CELSR1: variants seen among roughly 807,000 people sequenced by gnomAD.
CELSR1 encodes the protein adhesion G protein-coupled receptor C1.
Under a neutral mutation model 249.1 loss-of-function variants are expected in CELSR1, and 110 were observed. The observed-to-expected ratio is 0.44, with a 90% CI of 0.38 to 0.52. CELSR1 has a LOEUF of 0.52. Among genes scored for constraint, CELSR1 ranks in the 20% least tolerant of loss-of-function variants. The pLI, the probability that CELSR1 is intolerant of heterozygous loss-of-function variation, is 0.00. For missense variants in CELSR1, 4,109 were observed against 4,296.4 expected (o/e 0.96, Z 1.22); for synonymous variants, 2,113 against 1,900.0 (o/e 1.11, Z -2.92).
At position 46,533,667 on chromosome 22, in the gene CELSR1, G is replaced by C; in HGVS notation, c.3504C>G (p.Asn1168Lys). Residue 1168 changes from asparagine to lysine, a missense_variant, in exon 1 of 35, where the codon AAC (asparagine) becomes AAG (lysine). Physicochemically the swap from Asn to Lys is moderately conservative, Grantham distance 94. Around this residue, in one of 7 missense-constraint regions of CELSR1, gnomAD observed 886 missense variants for 896.5 expected, o/e 0.99. Coordinates refer to ENST00000674500, the MANE Select transcript of CELSR1 (RefSeq NM_001378328.1). ...CCATGAGCGCCTCCAGCGGCCGGTTGTTGTCCAGGTCGCGGCTGAGCTGCA... is the reference window on the plus strand; with the variant it reads ...CCATGAGCGCCTCCAGCGGCCGGTTCTTGTCCAGGTCGCGGCTGAGCTGCA... ...GELQLSRDLDNNRPLEALMEV... is the reference protein window; with the variant it reads ...GELQLSRDLDKNRPLEALMEV... 1 of 1,603,446 alleles carries C rather than the reference G, an allele frequency of 6.2e-7. No individual in the cohort carries two copies. The highest frequency in any genetic ancestry group is 2.2e-5 in the East Asian group (1 of 44,786).
intron 1 of CELSR1, among the ~76,000 whole-genome samples, chr22:46,469,982 G>T (rs181594300): frequency 1.0e-3 from 126 of 124,306 alleles, no homozygotes; most frequent in East Asian, 1.2e-3. Context: ...GGAGGGAGGA[G>T]GAGGGGAGGG....
intron 1 of CELSR1, among the ~76,000 whole-genome samples, chr22:46,525,749 G>C (rs1325049920): frequency 6.6e-6 from 1 of 152,232 alleles, no homozygotes; most frequent in Non-Finnish European, 1.5e-5. Context: ...GCCGCTGCCA[G>C]GGGCCCCAGA....
intron 1 of CELSR1, among the ~76,000 whole-genome samples, chr22:46,507,375 A>G (rs967856628): frequency 6.6e-6 from 1 of 152,012 alleles, no homozygotes; most frequent in East Asian, 1.9e-4. Context: ...AGAAGACACC[A>G]TCACTGCCTC....
At chr22:46,501,900 T>C (rs181077868) in intron 1 of CELSR1, among the ~76,000 whole-genome samples, 8 of 152,262 alleles carry the variant, frequency 5.3e-5, no homozygotes, top group East Asian at 3.9e-4. Flanking sequence ...GGGAGTAATA[T>C]GTGACTCACT....
At position 46,524,592 on chromosome 22, in the gene CELSR1, T is replaced by C. The variant is rs558682655; in HGVS notation, c.3544+9035A>G. 4.6e-5 allele frequency among the ~76,000 whole-genome samples: 7 copies of C among 151,670 alleles called. No homozygotes were observed. The South Asian group carries it at 1.5e-3, about 32-fold the overall frequency. ...TGTGTCTGTCTGTCTGTGTGTTTTG[T>C]TTGCTTTTTAAGAGCCCCTGGCCTT... On this transcript the variant is annotated intron_variant, in intron 1 of 34. Transcript: ENST00000674500.
Position 46,407,036 on chromosome 22 carries a change from G to A in CELSR1, c.5226+1960C>T, listed in dbSNP as rs772037854. Among the ~76,000 whole-genome samples, 2 of 152,216 alleles carry A rather than the reference G, an allele frequency of 1.3e-5. No homozygotes were observed. The highest frequency in any genetic ancestry group is 2.9e-5 in the Non-Finnish European group (2 of 68,034). Reference sequence around the variant, plus strand: ...GGGGGTCATCCTGGGAGAACAGGGTGAGTGTTCCCGTGTGGCCGACCCCAA... The same window carrying A: ...GGGGGTCATCCTGGGAGAACAGGGTAAGTGTTCCCGTGTGGCCGACCCCAA... On this transcript the variant is annotated intron_variant, in intron 9 of 34. Transcript: ENST00000674500. This position sits in a 1 kb window ranked among gnomAD's most constrained non-coding sequence, Gnocchi z 4.8.
intron 24 of CELSR1, among the ~76,000 whole-genome samples, chr22:46,376,180 A>G (rs1279586708): frequency 6.6e-6 from 1 of 152,210 alleles, no homozygotes; most frequent in African/African-American, 2.4e-5. Flanking sequence ...ATTTATCAAA[A>G]TTCTTTTGTA....
chr22:46,509,339 G>T (rs80245024), intron 1 of CELSR1, among the ~76,000 whole-genome samples: 1 of 152,218 alleles, frequency 6.6e-6, no homozygotes, highest in Non-Finnish European at 1.5e-5. Flanking sequence ...TGCAGAGGGG[G>T]TGATGGGTAC....
Position 46,468,407 on chromosome 22 carries a change from C to G in CELSR1, c.3545-4062G>C, listed in dbSNP as rs924470108. Among the ~76,000 whole-genome samples the G allele has an allele frequency of 6.7e-6, 1 of 149,318 alleles. No homozygotes were observed. The highest frequency in any genetic ancestry group is 2.5e-5 in the African/African-American group (1 of 40,580). On this transcript the variant is annotated intron_variant, in intron 1 of 34. Transcript: ENST00000674500. The surrounding 1 kb of genome is among the most constrained non-coding windows in gnomAD (Gnocchi z 4.5). Reference sequence around the variant, plus strand: ...TCTCAAAAAAAAAAAAAAATGTGGTCCATGCATACTATGGAATATTATCCA... The same window carrying G: ...TCTCAAAAAAAAAAAAAAATGTGGTGCATGCATACTATGGAATATTATCCA...
At chr22:46,373,277 T>C (rs1196742430) in intron 24 of CELSR1, among the ~76,000 whole-genome samples, 1 of 152,172 alleles carries the variant, frequency 6.6e-6, no homozygotes, top group Non-Finnish European at 1.5e-5. Context: ...CAGCCCTGCC[T>C]GCCTGGACAC....
rs752883149 is a variant in CELSR1 at position 46,390,519 on chromosome 22, A to G, written c.6251-33T>C. Reference sequence around the variant, plus strand: ...AGGAGAGCAGGTGTGCAAAGCCTGAAACTCAAACTGTTGATCAATGCTTGT... The same window carrying G: ...AGGAGAGCAGGTGTGCAAAGCCTGAGACTCAAACTGTTGATCAATGCTTGT... On this transcript the variant is annotated intron_variant, in intron 16 of 34. Coordinates refer to ENST00000674500, the MANE Select transcript of CELSR1 (RefSeq NM_001378328.1). The surrounding 1 kb of genome is among the most constrained non-coding windows in gnomAD (Gnocchi z 6.3). The G allele has an allele frequency of 2.8e-5, 42 of 1,526,424 alleles. 1 individual carries two copies. Among genetic ancestry groups the G allele is most frequent in the Non-Finnish European group, 3.5e-5 (39 of 1,103,900 alleles). 94.6% of individuals were successfully genotyped at this position (1,526,424 alleles called of 1,614,324 possible). A position where few individuals can be genotyped will look rare whatever the true frequency, so the allele number is the denominator to read the frequency against.
intron 23 of CELSR1, 42 bp downstream of exon 23, chr22:46,378,549 C>G (rs56344079): frequency 0.15 from 221,186 of 1,522,408 alleles, 18,514 homozygotes; most frequent in African/African-American, 0.33. Context: ...GCAGGTTTGG[C>G]GGTAGGCCCA....
In CELSR1 at chr22:46,534,569, C is replaced by T. The variant is rs139205499; in HGVS notation, c.2602G>A (p.Gly868Ser). The T allele has an allele frequency of 3.7e-6, 6 of 1,613,570 alleles. No homozygotes were observed. The highest frequency in any genetic ancestry group is 4.2e-6 in the Non-Finnish European group (5 of 1,180,034). ...YTLTIMAQDN[G>S]IPQKSDTTTL... ...GTGGTGTCTGATTTCTGCGGGATGC[C>T]GTTGTCCTGGGCCATGATGGTCAGC... is the stretch of plus-strand genomic sequence containing the variant. Residue 868 changes from glycine to serine, a missense_variant, in exon 1 of 35, where the codon GGC becomes AGC. Gly to Ser is a moderately conservative substitution (Grantham distance 56). Transcript: ENST00000674500. This position sits in a 1 kb window ranked among gnomAD's most constrained non-coding sequence, Gnocchi z 9.7.
intron 5 of CELSR1, among the ~76,000 whole-genome samples, chr22:46,421,475 G>A (rs936094137): frequency 4.6e-5 from 7 of 152,288 alleles, no homozygotes; most frequent in African/African-American, 9.6e-5. Context: ...GCTTGCCTCC[G>A]AGAATCACCA....
In CELSR1 at chr22:46,399,907, A is replaced by G. The variant is rs758017304; in HGVS notation, c.5227-5T>C. The G allele has an allele frequency of 1.3e-4, 217 of 1,613,802 alleles. No homozygotes were observed. Among genetic ancestry groups the G allele is most frequent in the Admixed American group, 1.0e-3 (60 of 59,984 alleles). On this transcript the variant is annotated splice_polypyrimidine_tract_variant and splice_region_variant and intron_variant, in intron 9 of 34. Coordinates refer to ENST00000674500, the MANE Select transcript of CELSR1 (RefSeq NM_001378328.1). This position sits in a 1 kb window ranked among gnomAD's most constrained non-coding sequence, Gnocchi z 5.0. The stretch of plus-strand genomic sequence containing the variant: ...CTGGAGGTAGTTGTTCAGGATCTGG[A>G]GCAGGGAGAGCCACACCGACTGATT...
At chr22:46,382,156 G>A in intron 20 of CELSR1, 106 bp from the exon 21 acceptor site, 1 of 1,082,638 alleles carries the variant, frequency 9.2e-7, no homozygotes, top group Non-Finnish European at 1.3e-6. Context: ...ATGTCCCACA[G>A]AAAACAGTAC....
In CELSR1 at chr22:46,534,483, G is replaced by C. The variant is rs771853304; in HGVS notation, c.2688C>G (p.Phe896Leu). Residue 896 changes from phenylalanine to leucine, a missense_variant, in exon 1 of 35, where the codon TTC (phenylalanine) becomes TTG (leucine). Physicochemically the swap from Phe to Leu is conservative, Grantham distance 22. Around this residue, in one of 7 missense-constraint regions of CELSR1, gnomAD observed 886 missense variants for 896.5 expected, o/e 0.99. Coordinates refer to ENST00000674500, the MANE Select transcript of CELSR1 (RefSeq NM_001378328.1). This position sits in a 1 kb window ranked among gnomAD's most constrained non-coding sequence, Gnocchi z 9.7. ...CATCCTCAAAGATGGAACCCTGGTA[G>C]AAATCCCACAGGAACTGGGGTGCAT... Reference protein sequence around the residue: ...NDNAPQFLWDFYQGSIFEDAP... With the variant: ...NDNAPQFLWDLYQGSIFEDAP... 4 of 1,613,142 alleles carry C rather than the reference G, an allele frequency of 2.5e-6. No homozygotes were observed. The African/African-American group carries it at 5.3e-5, about 22-fold the overall frequency.
At chr22:46,426,143 C>CTGGGGAGGG (rs2079535278) in intron 5 of CELSR1, among the ~76,000 whole-genome samples, 1 of 152,170 alleles carries the variant, frequency 6.6e-6, no homozygotes, top group African/African-American at 2.4e-5. Flanking sequence ...GAGGGCGCAG[C>CTGGGGAGGG]CGGGGAGGGG....
intron 19 of CELSR1, among the ~76,000 whole-genome samples, chr22:46,386,032 C>T (rs1164643459): frequency 2.7e-5 from 4 of 149,524 alleles, no homozygotes; most frequent in Admixed American, 2.0e-4. Flanking sequence ...TGCAATGGCG[C>T]AATCTCAGCT....
Sources: allele counts gnomAD v4.1 joint callset (sites outside exome capture counted in the v4.1 genomes callset), GRCh38; gene constraint gnomAD v4.1.1; regional missense constraint gnomAD v4.1.1; non-coding constraint Gnocchi (gnomAD v3.1); transcripts MANE v1.5; gene names NCBI Gene and HGNC (gene_info 2026-07-23, HGNC 2026-07-21).